CADM2: variants seen among roughly 807,000 people sequenced by gnomAD.
The protein encoded by CADM2 is cell adhesion molecule 2.
Under a neutral mutation model 49.8 loss-of-function variants are expected in CADM2, and 12 were observed. The ratio of observed to expected loss-of-function variants is 0.24; its 90% confidence interval spans 0.15 to 0.39. The LOEUF (loss-of-function observed/expected upper bound fraction) is 0.39, where lower values mean the gene tolerates loss of function less well. CADM2 is among the 10% of genes least tolerant of loss of function. CADM2 has a pLI of 1.00. For synonymous variants in CADM2, 214 were observed against 175.4 expected (o/e 1.22, Z -1.74); for missense variants, 378 against 492.3 (o/e 0.77, Z 2.20).
intron 1 of CADM2, among the ~76,000 whole-genome samples, chr3:85,680,015 ATAT>A (rs2065995198): frequency 6.6e-6 from 1 of 152,168 alleles, no homozygotes; most frequent in Non-Finnish European, 1.5e-5. Flanking sequence ...ACATTAAAAA[ATAT>A]TATAAAGGAA....
chr3:85,454,947 G>C (rs1473734579), intron 1 of CADM2, among the ~76,000 whole-genome samples: 1 of 152,146 alleles, frequency 6.6e-6, no homozygotes, highest in Non-Finnish European at 1.5e-5. Flanking sequence ...CCTTATTTTT[G>C]ATGGTTGCCT....
rs1468273000 is a variant in CADM2 at position 85,202,192 on chromosome 3, A to ACTGTTTCCAAATTC, written c.61+242530_61+242543dup. Among the ~76,000 whole-genome samples, 22 of 152,082 alleles carry ACTGTTTCCAAATTC rather than the reference A, an allele frequency of 1.4e-4. No homozygotes were observed. In the Middle Eastern group the frequency reaches 0.014, roughly 94 times the overall value. ...ATGTCTAATTCTGCTTCTCTTGCTA[A>ACTGTTTCCAAATTC]CTGTTTCCAAATTCCTGTTGATCTT... On this transcript the variant is annotated intron_variant, in intron 1 of 9. Coordinates refer to ENST00000383699, the MANE Select transcript of CADM2 (RefSeq NM_001167675.2).
intron 1 of CADM2, among the ~76,000 whole-genome samples, chr3:85,113,342 T>G (rs2038526611): frequency 1.3e-5 from 2 of 152,094 alleles, no homozygotes; most frequent in Admixed American, 6.6e-5. Flanking sequence ...TAATTGAATA[T>G]GAGTCAATAC....
At chr3:85,714,173 C>T (rs910511826) in intron 1 of CADM2, among the ~76,000 whole-genome samples, 3 of 152,054 alleles carry the variant, frequency 2.0e-5, no homozygotes, top group South Asian at 2.1e-4. Flanking sequence ...AAACTGAATC[C>T]CTTAAATTAT....
intron 1 of CADM2, among the ~76,000 whole-genome samples, chr3:85,006,665 A>G (rs904022752): frequency 6.6e-5 from 10 of 152,118 alleles, no homozygotes; most frequent in African/African-American, 2.4e-4. Flanking sequence ...TAGCAACAAT[A>G]TTTACTGAAT....
chr3:85,320,962 T>C (rs2044582560), intron 1 of CADM2, among the ~76,000 whole-genome samples: 1 of 150,252 alleles, frequency 6.7e-6, no homozygotes, highest in Admixed American at 6.7e-5. Flanking sequence ...GTATCCACTA[T>C]AATATTTTTC....
intron 1 of CADM2, among the ~76,000 whole-genome samples, chr3:85,359,668 T>TATATATATATATATATATATA (rs1559799260): frequency 5.3e-4 from 12 of 22,430 alleles, no homozygotes; most frequent in Admixed American, 2.2e-3. Flanking sequence ...ATATATATAT[T>TATATATATATATATATATATA]TTTTTTTTTG....
chr3:85,070,920 C>T (rs1166278089), intron 1 of CADM2, among the ~76,000 whole-genome samples: 2 of 151,422 alleles, frequency 1.3e-5, no homozygotes, highest in Admixed American at 6.6e-5. Context: ...ACCCAGGAGG[C>T]GGAAGTTGCA....
At chr3:85,545,575 G>T (rs926507195) in intron 1 of CADM2, among the ~76,000 whole-genome samples, 1 of 152,140 alleles carries the variant, frequency 6.6e-6, no homozygotes, top group Non-Finnish European at 1.5e-5. Context: ...AGTTCAATGT[G>T]TCTGACCTAT....
At chr3:86,015,713 T>A (rs1213757053) in intron 8 of CADM2, among the ~76,000 whole-genome samples, 6 of 152,194 alleles carry the variant, frequency 3.9e-5, no homozygotes, top group African/African-American at 1.4e-4. Context: ...CTACATCTCA[T>A]TGTTGCTGTT....
intron 1 of CADM2, among the ~76,000 whole-genome samples, chr3:85,470,682 A>G (rs1022458426): frequency 2.6e-5 from 4 of 152,182 alleles, no homozygotes; most frequent in African/African-American, 9.7e-5. Flanking sequence ...TTATCATTCA[A>G]CTATTTAAGG....
intron 1 of CADM2, among the ~76,000 whole-genome samples, chr3:85,088,588 A>G (rs2037473779): frequency 6.6e-6 from 1 of 152,114 alleles, no homozygotes; most frequent in African/African-American, 2.4e-5. Flanking sequence ...AGGCCTCTGA[A>G]AACAACTGCA....
chr3:85,816,570 A>G (rs1415062019), intron 3 of CADM2, among the ~76,000 whole-genome samples: 1 of 152,182 alleles, frequency 6.6e-6, no homozygotes, highest in African/African-American at 2.4e-5. Context: ...TATGAAAATA[A>G]TTTTAACATC....
At chr3:85,605,377 C>G (rs948502304) in intron 1 of CADM2, among the ~76,000 whole-genome samples, 33 of 151,898 alleles carry the variant, frequency 2.2e-4, no homozygotes, top group African/African-American at 7.2e-4. Flanking sequence ...TTTTAGAATA[C>G]TAGTAAAAGT....
intron 2 of CADM2, among the ~76,000 whole-genome samples, chr3:85,782,860 G>A (rs188341778): frequency 6.6e-6 from 1 of 152,070 alleles, no homozygotes; most frequent in Admixed American, 6.6e-5. Flanking sequence ...ACGTAATCGA[G>A]GGTAGGGAGA....
chr3:85,169,104 C>T (rs898268574), intron 1 of CADM2, among the ~76,000 whole-genome samples: 1 of 152,060 alleles, frequency 6.6e-6, no homozygotes, highest in African/African-American at 2.4e-5. Context: ...AGGCGCCCAC[C>T]ACCAAGCCCA....
At chr3:85,112,659 A>G (rs1486093063) in intron 1 of CADM2, among the ~76,000 whole-genome samples, 1 of 151,826 alleles carries the variant, frequency 6.6e-6, no homozygotes, top group Non-Finnish European at 1.5e-5. Context: ...CTATTCCAAA[A>G]TTATATTAAC....
intron 1 of CADM2, among the ~76,000 whole-genome samples, chr3:85,678,592 T>G (rs901839901): frequency 6.6e-6 from 1 of 152,196 alleles, no homozygotes; most frequent in Non-Finnish European, 1.5e-5. Flanking sequence ...TGGCCAATAG[T>G]TCATTTCTGT....
chr3:85,712,852 C>G (rs1398549810), intron 1 of CADM2, among the ~76,000 whole-genome samples: 1 of 151,876 alleles, frequency 6.6e-6, no homozygotes, highest in African/African-American at 2.4e-5. Context: ...TTTTATAATA[C>G]TTTTTAAATA....
Sources: allele counts gnomAD v4.1 joint callset (sites outside exome capture counted in the v4.1 genomes callset), GRCh38; gene constraint gnomAD v4.1.1; transcripts MANE v1.5; gene names NCBI Gene and HGNC (gene_info 2026-07-23, HGNC 2026-07-21).